The following UQCRC1 variants were observed in gnomAD, a reference collection of about 807,000 sequenced individuals.
The protein encoded by UQCRC1 is ubiquinol-cytochrome c reductase core protein 1, also known as cytochrome b-c1 complex subunit 1, mitochondrial.
Under a neutral mutation model 58.0 loss-of-function variants are expected in UQCRC1, and 34 were observed. The ratio of observed to expected loss-of-function variants is 0.59; its 90% CI spans 0.45 to 0.78. UQCRC1 has a LOEUF of 0.78. Among genes scored for constraint, UQCRC1 ranks in the 30% least tolerant of loss-of-function variants. UQCRC1 has a pLI of 0.00. For missense variants in UQCRC1, 610 were observed against 646.0 expected (o/e 0.94, Z 0.60); for synonymous variants, 276 against 248.8 (o/e 1.11, Z -1.03).
At chr3:48,600,923 C>T in intron 8 of UQCRC1, 52 bp downstream of exon 8, 2 of 1,604,842 alleles carry the variant, frequency 1.2e-6, no homozygotes, top group Middle Eastern at 1.7e-4. Context: ...CACACAGCCC[C>T]AGCACCCTCT....
rs754886462 is a variant in UQCRC1 at position 48,605,764 on chromosome 3, C to T, written c.297+6G>A. Reference sequence around the variant, plus strand: ...GCCCAGAGGAGACAGACTTTAAGAGCCTCACCTTGAAAGCCAGATGCTCCA... The same window carrying T: ...GCCCAGAGGAGACAGACTTTAAGAGTCTCACCTTGAAAGCCAGATGCTCCA... On this transcript the variant is annotated splice_donor_region_variant and intron_variant, in intron 3 of 12. Coordinates refer to ENST00000203407, the MANE Select transcript of UQCRC1 (RefSeq NM_003365.3). The T allele has an allele frequency of 5.0e-6, 8 of 1,613,246 alleles. No individual in the cohort carries two copies. In the East Asian group the frequency reaches 1.8e-4, roughly 36 times the overall value.
intron 2 of UQCRC1, among the ~76,000 whole-genome samples, chr3:48,606,917 T>G (rs2046418233): frequency 2.0e-5 from 3 of 151,862 alleles, no homozygotes; most frequent in Admixed American, 2.0e-4. Context: ...ACGAGTGCAG[T>G]GGTGTGATGT....
intron 2 of UQCRC1, among the ~76,000 whole-genome samples, chr3:48,607,366 G>A (rs1375618073): frequency 1.3e-5 from 2 of 151,784 alleles, no homozygotes; most frequent in Non-Finnish European, 2.9e-5. Context: ...TAGTAGAGGC[G>A]GGGTTTCACC....
chr3:48,603,776 C>T, intron 5 of UQCRC1, 133 bp from the exon 6 acceptor site: 1 of 829,970 alleles, frequency 1.2e-6, no homozygotes, highest in Non-Finnish European at 1.9e-6. Context: ...AGCACACTCC[C>T]CAACCCCCTT....
chr3:48,601,109 G>A lies in UQCRC1; in HGVS notation c.832C>T (p.Arg278Cys), dbSNP rs773775591. 35 of 1,600,372 alleles carry A rather than the reference G, an allele frequency of 2.2e-5. No individual in the cohort carries two copies. Among genetic ancestry groups the A allele is most frequent in the Admixed American group, 5.1e-5 (3 of 59,196 alleles). ...CRFTGSEIRH[R>C]DDALPFAHVA... is the part of the protein sequence containing the mutation. ...TGGGCAAAAGGTAGAGCATCATCAC[G>A]GTGGCGGATCTGAAACAGTACATGA... is the stretch of plus-strand genomic sequence containing the variant. The change falls in exon 8 of 13, where the codon CGT becomes TGT. Residue 278 changes from arginine (R) to cysteine (C), a missense_variant. Transcript: ENST00000203407.
chr3:48,604,882 C>G, intron 3 of UQCRC1, 102 bp from the exon 4 acceptor site: 1 of 1,507,534 alleles, frequency 6.6e-7, no homozygotes, highest in Non-Finnish European at 9.0e-7. Flanking sequence ...TCCACAGGTA[C>G]CTCCCTCAGC....
chr3:48,601,303 T>C, intron 7 of UQCRC1, 49 bp downstream of exon 7: 1 of 1,601,160 alleles, frequency 6.2e-7, no homozygotes, highest in Non-Finnish European at 8.5e-7. Flanking sequence ...ATGGGGGTCC[T>C]CCCACAGGCC....
intron 12 of UQCRC1, 29 bp from the exon 13 acceptor site, chr3:48,599,221 G>T (rs761114914): frequency 1.9e-6 from 3 of 1,575,432 alleles, no homozygotes; most frequent in South Asian, 1.2e-5. Flanking sequence ...GCGTCAGGGT[G>T]GGGTACCTGG....
At chr3:48,607,037 T>G (rs150302199) in intron 2 of UQCRC1, among the ~76,000 whole-genome samples, 40 of 151,686 alleles carry the variant, frequency 2.6e-4, no homozygotes, top group East Asian at 1.2e-3. Context: ...TTTTGTTTTT[T>G]TGTGTGTGTG....
chr3:48,600,141 A>C lies in UQCRC1; in HGVS notation c.1224T>G (p.Pro408=). Residue 408 remains proline (P), a synonymous_variant, in exon 11 of 13, where the codon CCT becomes CCG. Coordinates refer to ENST00000203407, the MANE Select transcript of UQCRC1 (RefSeq NM_003365.3). ...ALVSHLDGTT[P]VCEDIGRSLL... is the part of the protein sequence containing the mutation. ...GGCTGCGTCCGATGTCCTCACACAC[A>C]GGAGTAGTGCCTTTAAGGGTGAGAG... 6.2e-7 allele frequency: 1 copy of C among 1,614,096 alleles called. No homozygotes were observed. The highest frequency in any genetic ancestry group is 8.5e-7 in the Non-Finnish European group (1 of 1,179,996).
chr3:48,603,759 G>A (rs2046386850), intron 5 of UQCRC1, 116 bp from the exon 6 acceptor site: 1 of 982,010 alleles, frequency 1.0e-6, no homozygotes, highest in African/African-American at 1.6e-5. Context: ...TCCGAAGAGT[G>A]GGCCCTAGCA....
Position 48,601,009 on chromosome 3 carries a change from A to G in UQCRC1, c.932T>C (p.Ile311Thr). The G allele has an allele frequency of 6.2e-7, 1 of 1,608,104 alleles. No homozygotes were observed. The highest frequency in any genetic ancestry group is 1.1e-5 in the South Asian group (1 of 90,910). The change falls in exon 8 of 13, where the codon ATC becomes ACC. Residue 311 changes from isoleucine to threonine, a missense_variant. Coordinates refer to ENST00000203407, the MANE Select transcript of UQCRC1 (RefSeq NM_003365.3). Reference sequence around the variant, plus strand: ...ACCATAAGTGCAGTCATAGTGGCCGATGATGGCATTGGCCACTTGCAAGGC... The same window carrying G: ...ACCATAAGTGCAGTCATAGTGGCCGGTGATGGCATTGGCCACTTGCAAGGC... ...NVALQVANAIIGHYDCTYGGG... is the reference protein window; with the variant it reads ...NVALQVANAITGHYDCTYGGG...
intron 4 of UQCRC1, 61 bp from the exon 5 acceptor site, chr3:48,604,492 A>G: frequency 6.3e-7 from 1 of 1,597,192 alleles, no homozygotes; most frequent in African/African-American, 1.3e-5. Context: ...ACGACAGCAC[A>G]AAATCCCCAG....
chr3:48,601,195 G>A, intron 7 of UQCRC1, 77 bp from the exon 8 acceptor site: 1 of 1,552,536 alleles, frequency 6.4e-7, no homozygotes, highest in Non-Finnish European at 8.7e-7. Flanking sequence ...GTGGGTAGAG[G>A]GTGTATGTGT....
At chr3:48,604,945 C>A (rs745506644) in intron 3 of UQCRC1, among the ~76,000 whole-genome samples, 165 bp from the exon 4 acceptor site, 2 of 152,142 alleles carry the variant, frequency 1.3e-5, no homozygotes, top group Non-Finnish European at 2.9e-5. Context: ...ACTAAGCAGG[C>A]CTTGAGGTGA....
chr3:48,608,486 A>G (rs2046433680), intron 2 of UQCRC1, among the ~76,000 whole-genome samples: 1 of 152,266 alleles, frequency 6.6e-6, no homozygotes, highest in Non-Finnish European at 1.5e-5. Flanking sequence ...CAAGTGACAT[A>G]TAACAAGGAA....
At position 48,600,189 on chromosome 3, in the gene UQCRC1, C is replaced by G. The variant is rs747859059; in HGVS notation, c.1214-38G>C. 50 of 1,606,910 alleles carry G rather than the reference C, an allele frequency of 3.1e-5. No individual in the cohort carries two copies. The East Asian group carries it at 1.1e-3, about 36-fold the overall frequency. On this transcript the variant is annotated intron_variant, in intron 10 of 12. Coordinates refer to ENST00000203407, the MANE Select transcript of UQCRC1 (RefSeq NM_003365.3). ...GAGAAGGCTCAGAGGTCCACCCAGC[C>G]CAATCCTGGACCCACAGGTACACAA...
intron 5 of UQCRC1, 149 bp downstream of exon 5, chr3:48,604,084 A>T (rs1317917950): frequency 1.2e-6 from 1 of 837,622 alleles, no homozygotes; most frequent in African/African-American, 1.7e-5. Context: ...AAAAAGACTC[A>T]CTGGACCACA....
At chr3:48,606,530 C>T (rs915025251) in intron 2 of UQCRC1, among the ~76,000 whole-genome samples, 4 of 152,136 alleles carry the variant, frequency 2.6e-5, no homozygotes, top group African/African-American at 9.7e-5. Flanking sequence ...AGGTGGATTA[C>T]GAGGTCAGCA....
Sources: allele counts gnomAD v4.1 joint callset (sites outside exome capture counted in the v4.1 genomes callset), GRCh38; gene constraint gnomAD v4.1.1; transcripts MANE v1.5; gene names NCBI Gene and HGNC (gene_info 2026-07-23, HGNC 2026-07-21).